The following SPOCK3 variants were observed in gnomAD, a reference collection of about 807,000 sequenced individuals.
SPOCK3 encodes testican-3.
SPOCK3 carries 30 observed loss-of-function variants against 56.6 expected under a neutral mutation model. The observed-to-expected ratio is 0.53, with a 90% confidence interval of 0.40 to 0.72. The LOEUF is 0.72. SPOCK3 is among the 30% of genes least tolerant of loss of function. SPOCK3 has a pLI of 0.00. For synonymous variants in SPOCK3, 196 were observed against 183.3 expected (o/e 1.07, Z -0.56); for missense variants, 527 against 530.0 (o/e 0.99, Z 0.06).
intron 3 of SPOCK3, among the ~76,000 whole-genome samples, chr4:167,002,350 C>T (rs1749026898): frequency 6.6e-6 from 1 of 152,036 alleles, no homozygotes; most frequent in Admixed American, 6.6e-5. Context: ...TTCTGCAAAA[C>T]TCTTGTTAGA....
At chr4:166,943,062 A>G (rs191981697) in intron 4 of SPOCK3, among the ~76,000 whole-genome samples, 1 of 152,318 alleles carries the variant, frequency 6.6e-6, no homozygotes, top group Admixed American at 6.5e-5. Flanking sequence ...ATGTTCAATA[A>G]TTTCTATTTG....
At chr4:166,880,061 A>C (rs1733527089) in intron 6 of SPOCK3, among the ~76,000 whole-genome samples, 1 of 152,164 alleles carries the variant, frequency 6.6e-6, no homozygotes, top group Non-Finnish European at 1.5e-5. Flanking sequence ...TTTCTTTATA[A>C]ATTACCAATC....
At chr4:167,054,899 T>C (rs529420267) in intron 3 of SPOCK3, among the ~76,000 whole-genome samples, 17 of 152,298 alleles carry the variant, frequency 1.1e-4, no homozygotes, top group African/African-American at 4.1e-4. Context: ...TATGTATGTA[T>C]GTATGTATTG....
chr4:166,838,036 G>T (rs1407539369), intron 6 of SPOCK3, among the ~76,000 whole-genome samples: 1 of 152,062 alleles, frequency 6.6e-6, no homozygotes, highest in Non-Finnish European at 1.5e-5. Flanking sequence ...TATGTCCATT[G>T]CCAAACAAAT....
chr4:167,213,093 A>T (rs1735035026), intron 2 of SPOCK3, among the ~76,000 whole-genome samples: 1 of 152,250 alleles, frequency 6.6e-6, no homozygotes, highest in Non-Finnish European at 1.5e-5. Flanking sequence ...CACTGGCAGC[A>T]TGTGATTGAA....
chr4:166,991,191 T>G (rs1172945435), intron 4 of SPOCK3, among the ~76,000 whole-genome samples: 1 of 151,976 alleles, frequency 6.6e-6, no homozygotes, highest in Admixed American at 6.6e-5. Flanking sequence ...AATTCACCAC[T>G]ATTTTTTACC....
chr4:166,862,584 C>T (rs1042435607), intron 6 of SPOCK3, among the ~76,000 whole-genome samples: 1 of 151,936 alleles, frequency 6.6e-6, no homozygotes, highest in African/African-American at 2.4e-5. Context: ...TTGTTAAATA[C>T]ATAAATATTG....
At chr4:166,843,453 C>T (rs887728736) in intron 6 of SPOCK3, among the ~76,000 whole-genome samples, 6 of 152,204 alleles carry the variant, frequency 3.9e-5, no homozygotes, top group Non-Finnish European at 7.3e-5. Context: ...TACGTTTGGA[C>T]CTCACCTAAT....
chr4:166,917,321 C>A (rs533048281), intron 4 of SPOCK3, among the ~76,000 whole-genome samples: 7 of 152,042 alleles, frequency 4.6e-5, no homozygotes, highest in African/African-American at 1.7e-4. Flanking sequence ...GAATAAAATG[C>A]CAATTTATGC....
chr4:167,161,817 A>G (rs1400242363), intron 2 of SPOCK3, among the ~76,000 whole-genome samples: 2 of 147,222 alleles, frequency 1.4e-5, no homozygotes, highest in African/African-American at 2.5e-5. Context: ...GCATGTTCTC[A>G]CTCATAGGTG....
intron 4 of SPOCK3, among the ~76,000 whole-genome samples, chr4:166,981,186 G>A (rs1351003322): frequency 6.6e-6 from 1 of 151,514 alleles, no homozygotes; most frequent in East Asian, 2.0e-4. Flanking sequence ...CCACAGGAAG[G>A]GCATTCCGTG....
At chr4:167,054,352 GATTA>G (rs1024471260) in intron 3 of SPOCK3, among the ~76,000 whole-genome samples, 1 of 152,176 alleles carries the variant, frequency 6.6e-6, no homozygotes, top group Admixed American at 6.5e-5. Flanking sequence ...CTAAAGCATT[GATTA>G]ATTGTTTAAA....
rs572444739 is a variant in SPOCK3, at chr4:167,149,873, A to G, written c.189+84112T>C. On this transcript the variant is annotated intron_variant, in intron 2 of 10. Coordinates refer to ENST00000357545, the MANE Select transcript of SPOCK3 (RefSeq NM_001040159.2). ...TATATATATACACACACATATACTA[A>G]AAGTATAGATGCAGAGATGTGAGTT... is the stretch of plus-strand genomic sequence containing the variant. Among the ~76,000 whole-genome samples, 21 of 151,894 alleles carry G rather than the reference A, an allele frequency of 1.4e-4. No homozygotes were observed. In the South Asian group the frequency reaches 4.4e-3, roughly 32 times the overall value.
chr4:166,836,878 AC>A (rs1219043666), intron 6 of SPOCK3, among the ~76,000 whole-genome samples: 2 of 152,212 alleles, frequency 1.3e-5, no homozygotes, highest in Non-Finnish European at 2.9e-5. Flanking sequence ...GATGAGTCAA[AC>A]AAAAATTTCC....
At chr4:166,749,850 A>G (rs1343329649) in intron 8 of SPOCK3, among the ~76,000 whole-genome samples, 1 of 152,078 alleles carries the variant, frequency 6.6e-6, no homozygotes, top group Non-Finnish European at 1.5e-5. Context: ...ATAGCTCTCC[A>G]AATATGACAT....
At chr4:167,008,262 T>G (rs1749659815) in intron 3 of SPOCK3, among the ~76,000 whole-genome samples, 1 of 152,012 alleles carries the variant, frequency 6.6e-6, no homozygotes, top group Non-Finnish European at 1.5e-5. Context: ...TAATGTTTTA[T>G]ATGTGATTCT....
chr4:166,863,619 A>G (rs1452022773), intron 6 of SPOCK3, among the ~76,000 whole-genome samples: 1 of 152,146 alleles, frequency 6.6e-6, no homozygotes, highest in African/African-American at 2.4e-5. Flanking sequence ...GAAAGCAAAA[A>G]AAAAGCAGGG....
chr4:167,019,297 AT>A lies in SPOCK3; in HGVS notation c.236-18835del, dbSNP rs567386364. Among the ~76,000 whole-genome samples, 24 of 152,118 alleles carry A rather than the reference AT, an allele frequency of 1.6e-4. No homozygotes were observed. In the South Asian group the frequency reaches 2.5e-3, roughly 16 times the overall value. ...TCTAAATCACAGAAGAATGTAACCT[AT>A]TCTGTCCTATAATTCAAAATAAAAG... On this transcript the variant is annotated intron_variant, in intron 3 of 10. Transcript: ENST00000357545.
chr4:167,104,343 A>C (rs1396894663), intron 2 of SPOCK3, among the ~76,000 whole-genome samples: 1 of 152,184 alleles, frequency 6.6e-6, no homozygotes, highest in Non-Finnish European at 1.5e-5. Context: ...AAGAGAACAC[A>C]GAAGAAATTC....
Sources: gnomAD v4.1 joint callset for allele counts (sites outside exome capture counted in the v4.1 genomes callset) on GRCh38, gnomAD v4.1.1 for gene constraint, MANE v1.5 for transcripts, NCBI Gene and HGNC (gene_info 2026-07-23, HGNC 2026-07-21) for gene names.